Variants in DISC1 observed in about 807,000 individuals in gnomAD.
The protein encoded by DISC1 is disrupted in schizophrenia 1 protein.
Under a neutral mutation model 84.5 loss-of-function variants are expected in DISC1, and 57 were observed. The ratio of observed to expected loss-of-function variants is 0.67; its 90% CI spans 0.55 to 0.84. The LOEUF is 0.84. Ranked by LOEUF, DISC1 falls within the 40% of genes least tolerant of loss-of-function variation. DISC1 has a pLI of 0.00. For synonymous variants in DISC1, 411 were observed against 415.2 expected, an observed-to-expected ratio of 0.99 and a Z score of 0.12; for missense variants, 1,000 against 1,057.8, an observed-to-expected ratio of 0.95 and a Z score of 0.76.
intron 1 of DISC1, among the ~76,000 whole-genome samples, chr1:231,669,272 C>G (rs1165630958): frequency 6.6e-6 from 1 of 152,118 alleles, no homozygotes; most frequent in Non-Finnish European, 1.5e-5. Context: ...TATAAAAACC[C>G]TGGAAGATAA....
rs11294632 is a variant in DISC1, at chr1:231,718,436, C to CT, written c.1117+16429dup. 1.7e-3 allele frequency among the ~76,000 whole-genome samples: 198 copies of CT among 119,666 alleles called. 2 individuals are homozygous for CT. Among genetic ancestry groups the CT allele is most frequent in the East Asian group, 0.012 (50 of 4,276 alleles). The allele number at this position is 119,666 out of a possible 152,430, so 78.5% of individuals were successfully genotyped here. The stretch of plus-strand genomic sequence containing the variant: ...CCCCACTTCAAGCAACTTTCTCTCT[C>CT]TTTTTTTTTTTTTTTTTGAGTTGCA... On this transcript the variant is annotated intron_variant, in intron 3 of 12. Coordinates refer to ENST00000439617, the MANE Select transcript of DISC1 (RefSeq NM_018662.3).
intron 7 of DISC1, among the ~76,000 whole-genome samples, chr1:231,796,678 T>C (rs1390185986): frequency 6.6e-6 from 1 of 152,166 alleles, no homozygotes; most frequent in Non-Finnish European, 1.5e-5. Flanking sequence ...TAGGAACAAG[T>C]GGTGCCCGTA....
intron 3 of DISC1, among the ~76,000 whole-genome samples, chr1:231,736,923 A>G (rs2072586718): frequency 6.6e-6 from 1 of 152,240 alleles, no homozygotes; most frequent in Non-Finnish European, 1.5e-5. Context: ...ATTTAGCAGG[A>G]TGTCTTTATG....
chr1:231,795,104 A>C, intron 6 of DISC1, 138 bp from the exon 7 acceptor site: 2 of 795,666 alleles, frequency 2.5e-6, no homozygotes, highest in Non-Finnish European at 4.3e-6. Flanking sequence ...AAATGGAGCC[A>C]ATTTGGCATC....
At chr1:231,856,360 C>G (rs934064105) in intron 9 of DISC1, among the ~76,000 whole-genome samples, 1 of 151,986 alleles carries the variant, frequency 6.6e-6, no homozygotes, top group Non-Finnish European at 1.5e-5. Context: ...CCTCTGTTCT[C>G]GGGGTGCCCA....
chr1:231,839,275 A>T (rs1322737821), intron 9 of DISC1, among the ~76,000 whole-genome samples: 1 of 152,180 alleles, frequency 6.6e-6, no homozygotes, highest in Non-Finnish European at 1.5e-5. Context: ...AAAGTTTGCT[A>T]ATCACTCTGA....
Position 232,009,046 on chromosome 1 carries a change from A to G in DISC1, c.2304A>G (p.Lys768=). The part of the protein sequence containing the change: ...PSLHCAGGEQ[K]EESYILSAEL... Reference sequence around the variant, plus strand: ...TGCACTGTGCTGGAGGTGAACAGAAAGAGGTCTGTCCTTTTCACATGGCCT... The same window carrying G: ...TGCACTGTGCTGGAGGTGAACAGAAGGAGGTCTGTCCTTTTCACATGGCCT... Residue 768 remains lysine (K), a synonymous_variant, in exon 11 of 13, where the codon AAA becomes AAG. Transcript: ENST00000439617. The surrounding 1 kb of genome is among the most constrained non-coding windows in gnomAD (Gnocchi z 4.6). 1 of 1,613,820 alleles carries G rather than the reference A, an allele frequency of 6.2e-7. No individual in the cohort carries two copies. The highest frequency in any genetic ancestry group is 2.2e-5 in the East Asian group (1 of 44,860).
chr1:231,679,720 AG>A (rs1198888595), intron 1 of DISC1, among the ~76,000 whole-genome samples: 1 of 152,212 alleles, frequency 6.6e-6, no homozygotes, highest in Non-Finnish European at 1.5e-5. Flanking sequence ...AATGTAAATG[AG>A]TACTTGAAAA....
chr1:231,764,419 C>T (rs2076008317), intron 4 of DISC1, among the ~76,000 whole-genome samples: 2 of 152,174 alleles, frequency 1.3e-5, no homozygotes, highest in African/African-American at 2.4e-5. Flanking sequence ...AATGATTCCA[C>T]CACCCAGAGA....
At chr1:231,664,087 T>C (rs968877093) in intron 1 of DISC1, among the ~76,000 whole-genome samples, 1 of 150,054 alleles carries the variant, frequency 6.7e-6, no homozygotes. Flanking sequence ...TCCGTCTATC[T>C]ATGTCTAGCT....
rs558096261 is a variant in DISC1 at position 231,897,428 on chromosome 1, C to T, written c.1982-61400C>T. On this transcript the variant is annotated intron_variant, in intron 9 of 12. Transcript: ENST00000439617. The surrounding 1 kb of genome is among the most constrained non-coding windows in gnomAD (Gnocchi z 4.5). ...TTTTATCTTCCCCTGATGAATTGAC[C>T]GGTCCAGAGAGCATTTCAGTTATCA... Among the ~76,000 whole-genome samples the T allele has an allele frequency of 8.5e-5, 13 of 152,248 alleles. No individual in the cohort carries two copies. Among genetic ancestry groups the T allele is most frequent in the East Asian group, 1.9e-4 (1 of 5,182 alleles).
At chr1:231,926,838 C>T (rs1192585587) in intron 9 of DISC1, among the ~76,000 whole-genome samples, 3 of 152,182 alleles carry the variant, frequency 2.0e-5, no homozygotes, top group African/African-American at 4.8e-5. Flanking sequence ...GAATTCACTT[C>T]TCATGCTCCC....
At chr1:231,726,324 C>T (rs1221834337) in intron 3 of DISC1, among the ~76,000 whole-genome samples, 1 of 152,162 alleles carries the variant, frequency 6.6e-6, no homozygotes, top group Non-Finnish European at 1.5e-5. Flanking sequence ...CAAGAATTGC[C>T]CATGCAGCTG....
chr1:232,023,027 T>C (rs1375333845), intron 11 of DISC1, among the ~76,000 whole-genome samples: 1 of 129,782 alleles, frequency 7.7e-6, no homozygotes, highest in African/African-American at 2.8e-5. Flanking sequence ...TTTTAATCTC[T>C]AAAAAAACTA....
intron 1 of DISC1, among the ~76,000 whole-genome samples, chr1:231,631,193 T>C (rs1433013892): frequency 6.6e-6 from 1 of 152,198 alleles, no homozygotes; most frequent in Non-Finnish European, 1.5e-5. Flanking sequence ...GGCATCCTTA[T>C]TTAACAAATG....
Position 231,897,429 on chromosome 1 carries a change from G to A in DISC1, c.1982-61399G>A, listed in dbSNP as rs2087788939. 6.6e-6 allele frequency among the ~76,000 whole-genome samples: 1 copy of A among 152,040 alleles called. No individual in the cohort carries two copies. Among genetic ancestry groups the A allele is most frequent in the African/African-American group, 2.4e-5 (1 of 41,382 alleles). ...TTTATCTTCCCCTGATGAATTGACC[G>A]GTCCAGAGAGCATTTCAGTTATCAT... On this transcript the variant is annotated intron_variant, in intron 9 of 12. Transcript: ENST00000439617. This position sits in a 1 kb window ranked among gnomAD's most constrained non-coding sequence, Gnocchi z 4.5.
intron 11 of DISC1, among the ~76,000 whole-genome samples, chr1:232,014,455 A>C (rs1332012410): frequency 6.6e-6 from 1 of 152,230 alleles, no homozygotes; most frequent in Admixed American, 6.5e-5. Flanking sequence ...TCTCCACTAC[A>C]TTTTGAAGTT....
At chr1:231,666,921 T>C (rs2062079999) in intron 1 of DISC1, among the ~76,000 whole-genome samples, 1 of 152,196 alleles carries the variant, frequency 6.6e-6, no homozygotes. Context: ...AAAATGGCAG[T>C]GCCTCAAACC....
At chr1:232,036,652 C>G in intron 12 of DISC1, 40 bp from the exon 13 acceptor site, 1 of 1,511,630 alleles carries the variant, frequency 6.6e-7, no homozygotes, top group Non-Finnish European at 9.0e-7. Context: ...CGCAGAGGGC[C>G]ACGATCACCT....
Sources: gnomAD v4.1 joint callset for allele counts (sites outside exome capture counted in the v4.1 genomes callset) on GRCh38, gnomAD v4.1.1 for gene constraint, Gnocchi (gnomAD v3.1) non-coding constraint, MANE v1.5 for transcripts, NCBI Gene and HGNC (gene_info 2026-07-23, HGNC 2026-07-21) for gene names.